The following WNT2B variants were observed in gnomAD, a reference collection of about 807,000 sequenced individuals.
WNT2B encodes the protein protein Wnt-2b.
A neutral mutation model predicts 40.5 loss-of-function variants in WNT2B; 19 were observed. The ratio of observed to expected loss-of-function variants is 0.47; its 90% CI spans 0.33 to 0.69. The LOEUF (loss-of-function observed/expected upper bound fraction) is 0.69. Among genes scored for constraint, WNT2B ranks in the 30% least tolerant of loss-of-function variants. The pLI is 0.02. For missense variants in WNT2B, 467 were observed against 556.4 expected (o/e 0.84, Z 1.62); for synonymous variants, 220 against 211.9 (o/e 1.04, Z -0.33).
chr1:112,474,193 T>C (rs1044772462), intron 1 of WNT2B, among the ~76,000 whole-genome samples: 9 of 152,176 alleles, frequency 5.9e-5, no homozygotes, highest in African/African-American at 2.2e-4. Flanking sequence ...TCGCCCAGGC[T>C]GGAGTGTGGT....
In WNT2B at chr1:112,517,217, C is replaced by T. The variant is rs778613402; in HGVS notation, c.778C>T (p.Arg260Cys). 37 of 1,614,062 alleles carry T rather than the reference C, an allele frequency of 2.3e-5. No homozygotes were observed. The Middle Eastern group carries it at 8.2e-4, about 36-fold the overall frequency. ...CTGGCGTGCACTCTCAGATTTCCGC[C>T]GCACAGGTGATTACCTGCGGCGACG... ...TCWRALSDFRRTGDYLRRRYD... is the reference protein window; with the variant it reads ...TCWRALSDFRCTGDYLRRRYD... The change falls in exon 4 of 5, where the codon CGC becomes TGC. Residue 260 changes from arginine to cysteine, a missense_variant. Arg to Cys is a radical substitution (Grantham distance 180). Transcript: ENST00000369684.
At chr1:112,477,284 G>A (rs1651081179) in intron 1 of WNT2B, among the ~76,000 whole-genome samples, 1 of 152,200 alleles carries the variant, frequency 6.6e-6, no homozygotes, top group African/African-American at 2.4e-5. Flanking sequence ...TAGAGAGTAT[G>A]CTGCTGTACC....
intron 1 of WNT2B, among the ~76,000 whole-genome samples, chr1:112,500,867 C>T (rs1357735484): frequency 6.6e-6 from 1 of 152,150 alleles, no homozygotes; most frequent in African/African-American, 2.4e-5. Flanking sequence ...CCAGTTTTCC[C>T]GATTACAAAC....
intron 1 of WNT2B, among the ~76,000 whole-genome samples, chr1:112,514,391 C>A (rs1213139529): frequency 6.6e-6 from 1 of 152,186 alleles, no homozygotes; most frequent in African/African-American, 2.4e-5. Flanking sequence ...TTCCCACGAG[C>A]CCCTCCCTGT....
At chr1:112,516,467 A>T (rs772462528) in intron 3 of WNT2B, 50 bp downstream of exon 3, 34 of 1,568,850 alleles carry the variant, frequency 2.2e-5, no homozygotes, top group Middle Eastern at 2.3e-4. Context: ...GGGGGTGACC[A>T]GTGTGTGTGA....
chr1:112,486,596 A>G (rs1447706941), intron 1 of WNT2B, among the ~76,000 whole-genome samples: 1 of 152,334 alleles, frequency 6.6e-6, no homozygotes, highest in East Asian at 1.9e-4. Context: ...ATATACTTTC[A>G]AATCACACAT....
At position 112,529,053 on chromosome 1, in the gene WNT2B, G is replaced by A. The variant is rs1653932188; in HGVS notation, c.*8544G>A. The A allele has an allele frequency of 6.6e-6, 1 of 152,130 alleles. No homozygotes were observed. Among genetic ancestry groups the A allele is most frequent in the African/African-American group, 2.4e-5 (1 of 41,426 alleles). The allele number at this position is 152,130 out of a possible 1,614,324, so 9.4% of individuals were successfully genotyped here. A position where few individuals can be genotyped will look rare whatever the true frequency, so the allele number is the denominator to read the frequency against. On this transcript the variant is annotated 3_prime_UTR_variant, in exon 5 of 5. Transcript: ENST00000369684. ...TTAACCAAACTTCCCTAACTTCTGA[G>A]GATAAAAACCATAAGGGCAATCTTA...
At chr1:112,476,860 T>G (rs1246825632) in intron 1 of WNT2B, among the ~76,000 whole-genome samples, 3 of 152,126 alleles carry the variant, frequency 2.0e-5, no homozygotes, top group African/African-American at 7.2e-5. Flanking sequence ...GCATGTATGC[T>G]CTAGACCCCA....
intron 1 of WNT2B, among the ~76,000 whole-genome samples, chr1:112,496,987 T>C (rs1205072105): frequency 1.3e-5 from 2 of 152,150 alleles, no homozygotes; most frequent in African/African-American, 4.8e-5. Context: ...GCAAACAACG[T>C]TAAATCCTAT....
At chr1:112,507,191 G>A (rs1323889139), upstream of WNT2B, among the ~76,000 whole-genome samples, 1 of 152,134 alleles carries the variant, frequency 6.6e-6, no homozygotes, top group Non-Finnish European at 1.5e-5. Flanking sequence ...AGTTGCAACT[G>A]TAACCATCCC....
chr1:112,480,911 GTAATC>G (rs1342101457), intron 1 of WNT2B, among the ~76,000 whole-genome samples: 1 of 152,208 alleles, frequency 6.6e-6, no homozygotes. Flanking sequence ...GCTCACACCT[GTAATC>G]CCAGCACTTT....
intron 1 of WNT2B, among the ~76,000 whole-genome samples, chr1:112,483,181 TACACACACACAC>T (rs58250277): frequency 2.2e-3 from 309 of 141,208 alleles, no homozygotes; most frequent in South Asian, 3.8e-3. Flanking sequence ...GCAACATAGA[TACACACACACAC>T]ACACACACAC....
At chr1:112,484,290 TACAC>T (rs1553230299) in intron 1 of WNT2B, among the ~76,000 whole-genome samples, 48 of 125,910 alleles carry the variant, frequency 3.8e-4, no homozygotes, top group African/African-American at 1.6e-3. Context: ...TATATATATA[TACAC>T]ACACATATAT....
Position 112,515,078 on chromosome 1 carries a change from C to G in WNT2B, c.387C>G (p.Gly129=). Reference sequence around the variant, plus strand: ...TGGACCGGGACCACACCGTCTTTGGCCGTGTCATGCTCAGAAGTAAGAGCC... The same window carrying G: ...TGGACCGGGACCACACCGTCTTTGGGCGTGTCATGCTCAGAAGTAAGAGCC... ...TTLDRDHTVF[G]RVMLRSSREA... The change falls in exon 2 of 5, where the codon GGC becomes GGG. Residue 129 remains glycine, a synonymous_variant. Coordinates refer to ENST00000369684, the MANE Select transcript of WNT2B (RefSeq NM_024494.3). The surrounding 1 kb of genome is among the most constrained non-coding windows in gnomAD (Gnocchi z 4.4). 1 of 1,614,092 alleles carries G rather than the reference C, an allele frequency of 6.2e-7. No homozygotes were observed. Among genetic ancestry groups the G allele is most frequent in the South Asian group, 1.1e-5 (1 of 91,060 alleles).
rs185682647 is a variant in WNT2B, at chr1:112,515,755, C to A, written c.404-385C>A. ...TCTCCATTGTGGGGGAACTGTCCAGCAGAGTGGGCCTGAAAAGGCCTGGAA... is the reference window on the plus strand; with the variant it reads ...TCTCCATTGTGGGGGAACTGTCCAGAAGAGTGGGCCTGAAAAGGCCTGGAA... On this transcript the variant is annotated intron_variant, in intron 2 of 4. Coordinates refer to ENST00000369684, the MANE Select transcript of WNT2B (RefSeq NM_024494.3). The surrounding 1 kb of genome is among the most constrained non-coding windows in gnomAD (Gnocchi z 4.4). Among the ~76,000 whole-genome samples, 10 of 152,304 alleles carry A rather than the reference C, an allele frequency of 6.6e-5. No homozygotes were observed. The East Asian group carries it at 1.9e-3, about 29-fold the overall frequency.
At chr1:112,495,981 A>G (rs372551786) in intron 1 of WNT2B, among the ~76,000 whole-genome samples, 21 of 152,262 alleles carry the variant, frequency 1.4e-4, no homozygotes, top group African/African-American at 5.1e-4. Context: ...GCCCTTATAT[A>G]AGGGCATCTA....
intron 1 of WNT2B, among the ~76,000 whole-genome samples, chr1:112,492,385 G>C (rs903961296): frequency 3.3e-5 from 5 of 152,202 alleles, no homozygotes; most frequent in African/African-American, 9.6e-5. Flanking sequence ...GCAGGAACCA[G>C]TACCAGGGTA....
intron 1 of WNT2B, among the ~76,000 whole-genome samples, chr1:112,493,533 G>A (rs1651669690): frequency 6.6e-6 from 1 of 151,870 alleles, no homozygotes; most frequent in Non-Finnish European, 1.5e-5. Context: ...GAGATGAGAG[G>A]ATCACTTGAG....
chr1:112,475,838 A>G (rs1651040693), intron 1 of WNT2B, among the ~76,000 whole-genome samples: 1 of 152,210 alleles, frequency 6.6e-6, no homozygotes, highest in South Asian at 2.1e-4. Flanking sequence ...TACAATTTAA[A>G]TAGCCTAAAC....
Sources: gnomAD v4.1 joint callset for allele counts (sites outside exome capture counted in the v4.1 genomes callset) on GRCh38, gnomAD v4.1.1 for gene constraint, Gnocchi (gnomAD v3.1) non-coding constraint, MANE v1.5 for transcripts, NCBI Gene and HGNC (gene_info 2026-07-23, HGNC 2026-07-21) for gene names.